Variants in STK39 observed in about 807,000 individuals in gnomAD.
STK39 encodes the protein serine/threonine kinase 39, also known as STE20/SPS1-related proline-alanine-rich protein kinase.
Under a neutral mutation model 77.8 loss-of-function variants are expected in STK39, and 20 were observed. That is an observed-to-expected ratio of 0.26 (90% CI 0.18 to 0.37). STK39 has a LOEUF of 0.37. Among genes scored for constraint, STK39 ranks in the 10% least tolerant of loss-of-function variants. The pLI, the probability that STK39 is intolerant of heterozygous loss-of-function variation, is 1.00. For missense variants in STK39, 479 were observed against 656.5 expected (o/e 0.73, Z 2.95); for synonymous variants, 246 against 234.1 (o/e 1.05, Z -0.47).
chr2:168,037,570 TTAAA>T (rs1309481308), intron 14 of STK39, among the ~76,000 whole-genome samples: 1 of 152,144 alleles, frequency 6.6e-6, no homozygotes, highest in African/African-American at 2.4e-5. Context: ...AGGAAGACAC[TTAAA>T]TAAACTACAG....
chr2:168,064,331 T>C (rs890314180), intron 13 of STK39, among the ~76,000 whole-genome samples: 3 of 152,228 alleles, frequency 2.0e-5, no homozygotes, highest in African/African-American at 7.2e-5. Context: ...TATTCTTAAC[T>C]TGCCTTTTAT....
chr2:168,178,002 T>C (rs1014896464), intron 2 of STK39, among the ~76,000 whole-genome samples: 1 of 152,218 alleles, frequency 6.6e-6, no homozygotes, highest in African/African-American at 2.4e-5. Context: ...CACTAGTCCA[T>C]GGTCTCCCCC....
At chr2:167,979,669 A>G (rs1317742091) in intron 16 of STK39, among the ~76,000 whole-genome samples, 1 of 152,246 alleles carries the variant, frequency 6.6e-6, no homozygotes. Context: ...TAAAACATAC[A>G]TAGAGGCATC....
chr2:168,133,536 A>G (rs1559112946), intron 8 of STK39, among the ~76,000 whole-genome samples: 1 of 152,130 alleles, frequency 6.6e-6, no homozygotes. Context: ...TATCTCCATG[A>G]GAAAGAATGA....
At position 168,230,402 on chromosome 2, in the gene STK39, G is replaced by C. The variant is rs540886385; in HGVS notation, c.208+16826C>G. On this transcript the variant is annotated intron_variant, in intron 1 of 17. Coordinates refer to ENST00000355999, the MANE Select transcript of STK39 (RefSeq NM_013233.3). ...ACAAAGTACAGGCAAGTTTCTTCCAGGATGAGAAATCAGTGGAAAGTGAGG... is the reference window on the plus strand; with the variant it reads ...ACAAAGTACAGGCAAGTTTCTTCCACGATGAGAAATCAGTGGAAAGTGAGG... Among the ~76,000 whole-genome samples, 9 of 152,128 alleles carry C rather than the reference G, an allele frequency of 5.9e-5. 1 individual carries two copies. Among genetic ancestry groups the C allele is most frequent in the African/African-American group, 1.7e-4 (7 of 41,414 alleles).
chr2:168,148,588 G>C (rs1488159421), intron 5 of STK39, among the ~76,000 whole-genome samples: 1 of 152,186 alleles, frequency 6.6e-6, no homozygotes, highest in Non-Finnish European at 1.5e-5. Flanking sequence ...GGCAGCAGCA[G>C]CCACCCACAC....
intron 12 of STK39, among the ~76,000 whole-genome samples, chr2:168,069,272 A>G (rs1431797525): frequency 1.3e-5 from 2 of 152,252 alleles, no homozygotes; most frequent in Non-Finnish European, 2.9e-5. Flanking sequence ...GACAATAGCA[A>G]TAAGTAATAT....
chr2:168,103,022 G>A (rs1442423173), intron 10 of STK39, among the ~76,000 whole-genome samples: 2 of 151,624 alleles, frequency 1.3e-5, no homozygotes, highest in African/African-American at 4.9e-5. Flanking sequence ...CTTCTGTGTA[G>A]GTTTGTGTTC....
At chr2:168,116,000 T>G (rs1050751527) in intron 10 of STK39, among the ~76,000 whole-genome samples, 1 of 152,126 alleles carries the variant, frequency 6.6e-6, no homozygotes, top group African/African-American at 2.4e-5. Context: ...ACTGGGGAGC[T>G]CAGCTGCCAC....
intron 17 of STK39, among the ~76,000 whole-genome samples, chr2:167,959,149 C>T (rs59087209): frequency 0.038 from 5,834 of 152,086 alleles, 275 homozygotes; most frequent in East Asian, 0.21. Flanking sequence ...GAGACAGTCT[C>T]ACTCTGTCAC....
At chr2:168,101,395 G>C (rs1686820563) in intron 10 of STK39, among the ~76,000 whole-genome samples, 1 of 152,102 alleles carries the variant, frequency 6.6e-6, no homozygotes, top group Admixed American at 6.5e-5. Context: ...GAGCTTACTT[G>C]GTATACTACT....
chr2:168,155,960 C>T (rs1178115087), intron 5 of STK39, among the ~76,000 whole-genome samples: 3 of 152,288 alleles, frequency 2.0e-5, no homozygotes, highest in Non-Finnish European at 4.4e-5. Flanking sequence ...TTCAGGAACA[C>T]CTGCCATGTA....
chr2:168,145,253 A>T (rs1385565809), intron 5 of STK39, among the ~76,000 whole-genome samples: 1 of 152,154 alleles, frequency 6.6e-6, no homozygotes, highest in Non-Finnish European at 1.5e-5. Flanking sequence ...AAAACTCAAA[A>T]CACCTACAGC....
chr2:168,053,396 A>T (rs1400802859), intron 14 of STK39, among the ~76,000 whole-genome samples: 2 of 152,294 alleles, frequency 1.3e-5, no homozygotes, highest in East Asian at 3.9e-4. Flanking sequence ...AAAAATTAAA[A>T]ATCTACATTA....
chr2:168,066,998 G>C (rs1196276977), intron 12 of STK39, among the ~76,000 whole-genome samples: 2 of 152,188 alleles, frequency 1.3e-5, no homozygotes, highest in Non-Finnish European at 2.9e-5. Context: ...GGTGTGGGTG[G>C]GTCACTTGAG....
At chr2:168,025,932 C>A (rs1487782973) in intron 14 of STK39, among the ~76,000 whole-genome samples, 1 of 152,170 alleles carries the variant, frequency 6.6e-6, no homozygotes, top group African/African-American at 2.4e-5. Flanking sequence ...TGGAGTTAAT[C>A]CACTTACCAG....
intron 10 of STK39, among the ~76,000 whole-genome samples, chr2:168,085,809 T>C (rs993318872): frequency 6.6e-6 from 1 of 152,182 alleles, no homozygotes; most frequent in African/African-American, 2.4e-5. Flanking sequence ...TGGGTGGATT[T>C]TTGCCTTACC....
chr2:168,154,162 G>A (rs1020424059), intron 5 of STK39, among the ~76,000 whole-genome samples: 47 of 152,188 alleles, frequency 3.1e-4, no homozygotes, highest in Admixed American at 2.7e-3. Context: ...GACAAGGATC[G>A]AGGAATATCA....
At chr2:167,972,829 A>G (rs566259848) in intron 16 of STK39, among the ~76,000 whole-genome samples, 14 of 152,264 alleles carry the variant, frequency 9.2e-5, no homozygotes, top group African/African-American at 2.9e-4. Flanking sequence ...AACCCCAGGA[A>G]TTAGATATGG....
Sources: gnomAD v4.1 joint callset for allele counts (sites outside exome capture counted in the v4.1 genomes callset) on GRCh38, gnomAD v4.1.1 for gene constraint, MANE v1.5 for transcripts, NCBI Gene and HGNC (gene_info 2026-07-23, HGNC 2026-07-21) for gene names.